The following CERS6 variants were observed in gnomAD, a reference collection of about 807,000 sequenced individuals.
CERS6 encodes the protein LAG1 homolog, ceramide synthase 6.
In CERS6, 26 loss-of-function variants were observed where a neutral mutation model predicts 56.8. The observed-to-expected ratio is 0.46, with a 90% CI of 0.34 to 0.63. CERS6 has a LOEUF of 0.63. CERS6 is among the 30% of genes least tolerant of loss of function. The pLI is 0.01. For synonymous variants in CERS6, 164 were observed against 173.3 expected (o/e 0.95, Z 0.42); for missense variants, 415 against 467.5 (o/e 0.89, Z 1.04).
At chr2:168,653,900 T>G (rs1388748697) in intron 4 of CERS6, among the ~76,000 whole-genome samples, 1 of 152,226 alleles carries the variant, frequency 6.6e-6, no homozygotes, top group Admixed American at 6.5e-5. Flanking sequence ...CTTTTTGGCA[T>G]CATATTAATA....
At chr2:168,534,133 G>A (rs926699727) in intron 1 of CERS6, among the ~76,000 whole-genome samples, 3 of 152,022 alleles carry the variant, frequency 2.0e-5, no homozygotes, top group African/African-American at 7.2e-5. Context: ...TTTTATCAAG[G>A]TTCTTAGTTT....
At chr2:168,576,949 G>A (rs1683290470) in intron 3 of CERS6, among the ~76,000 whole-genome samples, 1 of 152,166 alleles carries the variant, frequency 6.6e-6, no homozygotes, top group Admixed American at 6.5e-5. Context: ...AAGCGTGAGG[G>A]AGGAGCAAAC....
In CERS6 at chr2:168,592,174, G is replaced by C. The variant is rs1181981096; in HGVS notation, c.407+30852G>C. Among the ~76,000 whole-genome samples the C allele has an allele frequency of 2.0e-5, 3 of 152,220 alleles. No individual in the cohort carries two copies. In the East Asian group the frequency reaches 5.8e-4, roughly 29 times the overall value. ...ACCAAAAGCCATAGGGCTTCAAATG[G>C]GGTGAGTGAACAATGTTTTTAAGGA... On this transcript the variant is annotated intron_variant, in intron 3 of 9. Transcript: ENST00000305747.
intron 3 of CERS6, among the ~76,000 whole-genome samples, chr2:168,604,658 C>A (rs76759105): frequency 1.3e-5 from 2 of 152,112 alleles, no homozygotes; most frequent in Non-Finnish European, 2.9e-5. Context: ...CTCATGAGAT[C>A]TGGTTGTTTA....
At chr2:168,721,746 G>A (rs2105398711) in intron 8 of CERS6, among the ~76,000 whole-genome samples, 1 of 151,820 alleles carries the variant, frequency 6.6e-6, no homozygotes, top group South Asian at 2.1e-4. Flanking sequence ...AGTTTCTTGA[G>A]TAGCTAGGAC....
chr2:168,687,449 A>G (rs1686381297), intron 4 of CERS6, among the ~76,000 whole-genome samples: 1 of 152,092 alleles, frequency 6.6e-6, no homozygotes, highest in Non-Finnish European at 1.5e-5. Context: ...AGCTTTAGAG[A>G]TGCAGAATTT....
At position 168,491,641 on chromosome 2, in the gene CERS6, A is replaced by T. The variant is rs545381363; in HGVS notation, c.170+35023A>T. Among the ~76,000 whole-genome samples the T allele has an allele frequency of 1.9e-3, 283 of 152,074 alleles. 1 individual carries two copies. Among genetic ancestry groups the T allele is most frequent in the Middle Eastern group, 0.017 (5 of 294 alleles). ...AAGTTTTCTAGCTTCTCTTTTTTTT[A>T]AAAATTATACTTTAAGCTCTGGGAT... On this transcript the variant is annotated intron_variant, in intron 1 of 9. Coordinates refer to ENST00000305747, the MANE Select transcript of CERS6 (RefSeq NM_203463.3).
chr2:168,684,914 GT>G (rs146342534), intron 4 of CERS6, among the ~76,000 whole-genome samples: 5,305 of 152,052 alleles, frequency 0.035, 130 homozygotes, highest in East Asian at 0.13. Flanking sequence ...TTTTTCTTAT[GT>G]TTTTTTTCTT....
chr2:168,629,830 T>A (rs1684670629), intron 3 of CERS6, among the ~76,000 whole-genome samples: 1 of 152,080 alleles, frequency 6.6e-6, no homozygotes, highest in African/African-American at 2.4e-5. Flanking sequence ...TTTCTTTTTT[T>A]TTTGAGATGG....
intron 1 of CERS6, among the ~76,000 whole-genome samples, chr2:168,489,302 A>G (rs1694327065): frequency 6.6e-6 from 1 of 152,114 alleles, no homozygotes; most frequent in Non-Finnish European, 1.5e-5. Flanking sequence ...ATAATGTGTA[A>G]CTTTAGCCAT....
chr2:168,723,048 G>A (rs951428440), intron 8 of CERS6, among the ~76,000 whole-genome samples: 1 of 152,150 alleles, frequency 6.6e-6, no homozygotes, highest in Non-Finnish European at 1.5e-5. Context: ...TTTTGGAGGG[G>A]AGGATAAAGA....
At chr2:168,763,476 G>T (rs1684639554) in intron 8 of CERS6, among the ~76,000 whole-genome samples, 1 of 151,744 alleles carries the variant, frequency 6.6e-6, no homozygotes, top group Admixed American at 6.6e-5. Flanking sequence ...TGGCCAGGCT[G>T]ATCTTGAACT....
intron 3 of CERS6, among the ~76,000 whole-genome samples, chr2:168,579,550 A>G (rs1425316817): frequency 6.6e-6 from 1 of 151,684 alleles, no homozygotes; most frequent in Non-Finnish European, 1.5e-5. Context: ...GGACCTCCAC[A>G]CCCCCTTTTC....
intron 4 of CERS6, among the ~76,000 whole-genome samples, chr2:168,664,293 C>G (rs986587693): frequency 6.6e-6 from 1 of 152,178 alleles, no homozygotes; most frequent in African/African-American, 2.4e-5. Flanking sequence ...CCTGCACCTT[C>G]CACACAGATG....
rs1319421800 is a variant in CERS6, at chr2:168,770,813, T to TGTTAC, written c.*1152_*1156dup. 2.6e-5 allele frequency: 4 copies of TGTTAC among 152,450 alleles called. No individual in the cohort carries two copies. Among genetic ancestry groups the TGTTAC allele is most frequent in the Admixed American group, 6.5e-5 (1 of 15,284 alleles). 9.4% of individuals were successfully genotyped at this position (152,450 alleles called of 1,614,324 possible). On this transcript the variant is annotated 3_prime_UTR_variant, in exon 10 of 10. Transcript: ENST00000305747. Reference sequence around the variant, plus strand: ...TTAAACGTAATCCAGATGACTTTCCTGTTACTAAACACTGAGCAGCATTAC... The same window carrying TGTTAC: ...TTAAACGTAATCCAGATGACTTTCCTGTTACGTTACTAAACACTGAGCAGCATTAC...
chr2:168,736,974 C>T (rs554825120), intron 8 of CERS6, among the ~76,000 whole-genome samples: 15 of 152,072 alleles, frequency 9.9e-5, no homozygotes, highest in African/African-American at 2.9e-4. Context: ...ACTCTATTTT[C>T]GGTGGATTTG....
intron 8 of CERS6, among the ~76,000 whole-genome samples, chr2:168,744,696 A>C (rs1423582220): frequency 1.3e-5 from 2 of 152,222 alleles, no homozygotes; most frequent in Non-Finnish European, 2.9e-5. Context: ...TTGCCTGATA[A>C]ATATCATTCA....
intron 3 of CERS6, among the ~76,000 whole-genome samples, chr2:168,603,267 T>G (rs976276887): frequency 1.3e-5 from 2 of 152,188 alleles, no homozygotes; most frequent in African/African-American, 4.8e-5. Flanking sequence ...ATTTGAACAT[T>G]TCCCTTTCCA....
At chr2:168,614,534 A>G (rs915672790) in intron 3 of CERS6, among the ~76,000 whole-genome samples, 3 of 152,188 alleles carry the variant, frequency 2.0e-5, no homozygotes, top group Admixed American at 6.5e-5. Context: ...TGTGGGGTGC[A>G]TGGTGGGAGT....
Sources: gnomAD v4.1 joint callset for allele counts (sites outside exome capture counted in the v4.1 genomes callset) on GRCh38, gnomAD v4.1.1 for gene constraint, MANE v1.5 for transcripts, NCBI Gene and HGNC (gene_info 2026-07-23, HGNC 2026-07-21) for gene names.